TMBIM1: variants seen among roughly 807,000 people sequenced by gnomAD.
TMBIM1 encodes the protein transmembrane BAX inhibitor motif containing 1, also known as protein lifeguard 3.
A neutral mutation model predicts 45.1 loss-of-function variants in TMBIM1; 34 were observed. The observed-to-expected ratio is 0.75, with a 90% CI of 0.57 to 1.00. TMBIM1 has a LOEUF of 1.00. Among genes scored for constraint, TMBIM1 ranks in the 50% least tolerant of loss-of-function variants. The pLI, the probability that TMBIM1 is intolerant of heterozygous loss-of-function variation, is 0.00. For missense variants in TMBIM1, 374 were observed against 402.4 expected (o/e 0.93, Z 0.60); for synonymous variants, 157 against 153.5 (o/e 1.02, Z -0.17).
At chr2:218,278,327 A>C in intron 6 of TMBIM1, 188 bp downstream of exon 6, 1 of 641,802 alleles carries the variant, frequency 1.6e-6, no homozygotes, top group Non-Finnish European at 2.7e-6. Flanking sequence ...TAAGAGTGAC[A>C]GCTAGTTAGC....
chr2:218,280,726 G>A (rs1286720592), intron 2 of TMBIM1: 1 of 152,498 alleles, frequency 6.6e-6, no homozygotes, highest in African/African-American at 2.4e-5. Flanking sequence ...ATGCCTGAAT[G>A]CCTCTTTGGG....
rs1461508918 is a variant in TMBIM1, at chr2:218,278,204, A to G, written c.474-230T>C. 2.6e-5 allele frequency: 16 copies of G among 608,674 alleles called. No homozygotes were observed. The East Asian group carries it at 3.9e-4, about 15-fold the overall frequency. The allele number at this position is 608,674 out of a possible 1,614,324, so 37.7% of individuals were successfully genotyped here. A position where few individuals can be genotyped will look rare whatever the true frequency, so the allele number is the denominator to read the frequency against. ...CCAGAAACACCTGGATTGGTTTGCA[A>G]CTCTTAAACTGACTGCCTGTGTGAT... On this transcript the variant is annotated intron_variant, in intron 6 of 11. Coordinates refer to ENST00000258412, the MANE Select transcript of TMBIM1 (RefSeq NM_022152.6).
rs754959913 is a variant in TMBIM1, at chr2:218,281,968, G to A, written c.174C>T (p.Pro58=). 1 of 1,603,256 alleles carries A rather than the reference G, an allele frequency of 6.2e-7. No homozygotes were observed. The highest frequency in any genetic ancestry group is 8.5e-7 in the Non-Finnish European group (1 of 1,176,020). ...AGTTCATGGGCATCGGGTGGGTGGG[G>A]GGCATGGGCTGTGGGTAGCCAGCAG... ...GHPAGYPQPM[P]PTHPMPMNYG... Residue 58 remains proline, a synonymous_variant, in exon 2 of 12, where the codon CCC becomes CCT. Coordinates refer to ENST00000258412, the MANE Select transcript of TMBIM1 (RefSeq NM_022152.6).
chr2:218,278,661 G>A, intron 5 of TMBIM1, 96 bp from the exon 6 acceptor site: 1 of 1,334,984 alleles, frequency 7.5e-7, no homozygotes, highest in Non-Finnish European at 1.1e-6. Flanking sequence ...ATAGCCGTTT[G>A]GAAGTCTGAG....
chr2:218,279,585 C>T (rs1221465887), intron 3 of TMBIM1: 12 of 516,458 alleles, frequency 2.3e-5, no homozygotes, highest in Non-Finnish European at 3.8e-5. Context: ...TCGGTGACTA[C>T]TGACTTGCCC....
At chr2:218,285,137 C>T (rs957253130) in intron 1 of TMBIM1, among the ~76,000 whole-genome samples, 14 of 152,084 alleles carry the variant, frequency 9.2e-5, no homozygotes, top group South Asian at 2.1e-4. Context: ...GAATGAAACC[C>T]GACCCCTGAT....
In TMBIM1 at chr2:218,276,014, G is replaced by T. The variant is rs771496510; in HGVS notation, c.789+12C>A. 1 of 1,609,868 alleles carries T rather than the reference G, an allele frequency of 6.2e-7. No homozygotes were observed. The highest frequency in any genetic ancestry group is 1.1e-5 in the South Asian group (1 of 89,886). The stretch of plus-strand genomic sequence containing the variant: ...CCTCAGCTCCCCTTCCTAGAGTGGG[G>T]CTGGGACTTACCAGGGTGAAACAAA... On this transcript the variant is annotated intron_variant, in intron 11 of 11. Transcript: ENST00000258412.
At chr2:218,278,409 G>A in intron 6 of TMBIM1, 106 bp downstream of exon 6, 1 of 1,182,776 alleles carries the variant, frequency 8.5e-7, no homozygotes, top group East Asian at 2.4e-5. Flanking sequence ...CTCATTTCTT[G>A]TAAGTTTCCA....
At chr2:218,278,096 G>A in intron 6 of TMBIM1, 122 bp from the exon 7 acceptor site, 1 of 1,180,928 alleles carries the variant, frequency 8.5e-7, no homozygotes, top group Non-Finnish European at 1.2e-6. Context: ...TCCAAGGAGG[G>A]AGGTTGGCAT....
At chr2:218,276,214 C>T in intron 10 of TMBIM1, 135 bp from the exon 11 acceptor site, 1 of 879,660 alleles carries the variant, frequency 1.1e-6, no homozygotes, top group Non-Finnish European at 1.8e-6. Flanking sequence ...AGGCTACTGC[C>T]TTTCCAGATC....
At chr2:218,278,703 A>G in intron 5 of TMBIM1, 138 bp from the exon 6 acceptor site, 2 of 940,026 alleles carry the variant, frequency 2.1e-6, no homozygotes, top group Middle Eastern at 2.2e-4. Context: ...CAAGAACGAG[A>G]TTACCCCCAG....
In TMBIM1 at chr2:218,282,179, G is replaced by C; in HGVS notation, c.-38C>G. On this transcript the variant is annotated splice_region_variant and 5_prime_UTR_variant, in exon 2 of 12. Transcript: ENST00000258412. ...GCTGAGGGGGAACCCCAGCTGCTGG[G>C]ACCTGAAATGGGAGAGGAGAAAAGC... 1 of 1,418,064 alleles carries C rather than the reference G, an allele frequency of 7.1e-7. No homozygotes were observed. The highest frequency in any genetic ancestry group is 9.3e-7 in the Non-Finnish European group (1 of 1,075,712). 87.8% of individuals were successfully genotyped at this position (1,418,064 alleles called of 1,614,324 possible). A position where few individuals can be genotyped will look rare whatever the true frequency, so the allele number is the denominator to read the frequency against.
chr2:218,284,857 G>A (rs1302386121), intron 1 of TMBIM1, among the ~76,000 whole-genome samples: 3 of 152,194 alleles, frequency 2.0e-5, no homozygotes, highest in Non-Finnish European at 4.4e-5. Flanking sequence ...TTGAGAGGCC[G>A]AGGCAGGTGG....
chr2:218,289,421 C>T (rs1692777360), intron 1 of TMBIM1, among the ~76,000 whole-genome samples: 1 of 152,062 alleles, frequency 6.6e-6, no homozygotes, highest in Non-Finnish European at 1.5e-5. Flanking sequence ...CCAGGCGGAT[C>T]ACTTGAGGTC....
chr2:218,275,780 A>G (rs1355818230), intron 11 of TMBIM1, among the ~76,000 whole-genome samples, 159 bp from the exon 12 acceptor site: 1 of 152,212 alleles, frequency 6.6e-6, no homozygotes, highest in Non-Finnish European at 1.5e-5. Context: ...AGCTGCTCAC[A>G]GTCTAGGAAA....
intron 1 of TMBIM1, among the ~76,000 whole-genome samples, chr2:218,284,861 C>G (rs544613894): frequency 6.6e-6 from 1 of 152,296 alleles, no homozygotes; most frequent in South Asian, 2.1e-4. Context: ...GAGGCCGAGG[C>G]AGGTGGATCA....
intron 2 of TMBIM1, among the ~76,000 whole-genome samples, chr2:218,281,389 A>G (rs1691973428): frequency 6.6e-6 from 1 of 152,138 alleles, no homozygotes; most frequent in South Asian, 2.1e-4. Flanking sequence ...TGCTCGCCTC[A>G]GCCTCCCAGA....
chr2:218,280,295 A>G (rs1483845284), intron 2 of TMBIM1, 169 bp from the exon 3 acceptor site: 1 of 585,714 alleles, frequency 1.7e-6, no homozygotes, highest in Non-Finnish European at 3.1e-6. Context: ...AGAGTGACCC[A>G]GAGCCGGCCT....
In TMBIM1 at chr2:218,292,482, G is replaced by C. The variant is rs1693002369; in HGVS notation, c.-57C>G. 6.6e-6 allele frequency: 1 copy of C among 152,328 alleles called. No individual in the cohort carries two copies. The highest frequency in any genetic ancestry group is 1.9e-4 in the East Asian group (1 of 5,164). 9.4% of individuals were successfully genotyped at this position (152,328 alleles called of 1,614,324 possible). A position where few individuals can be genotyped will look rare whatever the true frequency, so the allele number is the denominator to read the frequency against. ...CTGGCTTGCCTGCGCCGTTCCAGAC[G>C]GAGCGTTCCTGGCCTCGGAGTGTTG... On this transcript the variant is annotated 5_prime_UTR_variant, in exon 1 of 12. Coordinates refer to ENST00000258412, the MANE Select transcript of TMBIM1 (RefSeq NM_022152.6).
Sources: allele counts gnomAD v4.1 joint callset (sites outside exome capture counted in the v4.1 genomes callset), GRCh38; gene constraint gnomAD v4.1.1; transcripts MANE v1.5; gene names NCBI Gene and HGNC (gene_info 2026-07-23, HGNC 2026-07-21).